Variants in HS2ST1 observed in about 807,000 individuals in gnomAD.
HS2ST1 encodes heparan sulfate 2-O-sulfotransferase 1.
In HS2ST1, 18 loss-of-function variants were observed where a neutral mutation model predicts 42.9. The ratio of observed to expected loss-of-function variants is 0.42; its 90% confidence interval spans 0.29 to 0.62. The LOEUF (loss-of-function observed/expected upper bound fraction) is 0.62, where lower values mean the gene tolerates loss of function less well. Ranked by LOEUF, HS2ST1 falls within the 20% of genes least tolerant of loss-of-function variation. The pLI, the probability that HS2ST1 is intolerant of heterozygous loss-of-function variation, is 0.21. For synonymous variants in HS2ST1, 146 were observed against 152.9 expected, an observed-to-expected ratio of 0.95 and a Z score of 0.33; for missense variants, 334 against 433.8, an observed-to-expected ratio of 0.77 and a Z score of 2.04.
intron 1 of HS2ST1, among the ~76,000 whole-genome samples, chr1:87,030,439 A>C (rs1201292313): frequency 6.6e-6 from 1 of 152,110 alleles, no homozygotes; most frequent in Admixed American, 6.6e-5. Flanking sequence ...TCAAGGTTAC[A>C]GTGAGATATG....
At chr1:87,065,663 A>G (rs1226382680) in intron 1 of HS2ST1, among the ~76,000 whole-genome samples, 2 of 152,180 alleles carry the variant, frequency 1.3e-5, no homozygotes, top group African/African-American at 2.4e-5. Context: ...CATATTCTCA[A>G]AGGAGTCCAT....
chr1:87,032,908 G>A (rs1650274078), intron 1 of HS2ST1, among the ~76,000 whole-genome samples: 1 of 152,186 alleles, frequency 6.6e-6, no homozygotes, highest in Non-Finnish European at 1.5e-5. Flanking sequence ...TAGACCATGT[G>A]TGATTACTGT....
chr1:87,099,746 A>G (rs1652154745), intron 5 of HS2ST1, among the ~76,000 whole-genome samples: 1 of 152,164 alleles, frequency 6.6e-6, no homozygotes, highest in Non-Finnish European at 1.5e-5. Flanking sequence ...AGTTCCTTCT[A>G]CCTATGAGCC....
chr1:86,925,199 C>T (rs1202117868), intron 1 of HS2ST1, among the ~76,000 whole-genome samples: 1 of 152,192 alleles, frequency 6.6e-6, no homozygotes, highest in African/African-American at 2.4e-5. Flanking sequence ...AATTCCTTGT[C>T]TCCATCTGAG....
At chr1:86,958,132 A>C (rs1265311437) in intron 1 of HS2ST1, among the ~76,000 whole-genome samples, 1 of 152,168 alleles carries the variant, frequency 6.6e-6, no homozygotes, top group Non-Finnish European at 1.5e-5. Flanking sequence ...ACCCTTCAAC[A>C]ATGAGAGGAT....
At position 86,976,646 on chromosome 1, in the gene HS2ST1, A is replaced by T. The variant is rs116301550; in HGVS notation, c.124+61486A>T. Among the ~76,000 whole-genome samples the T allele has an allele frequency of 5.7e-3, 778 of 137,648 alleles. 8 individuals are homozygous for T. The highest frequency in any genetic ancestry group is 0.019 in the African/African-American group (736 of 39,176). The allele number at this position is 137,648 out of a possible 152,430, so 90.3% of individuals were successfully genotyped here. ...CTATGAAAAAGAATTTCTTTGAATGAGTCTATTATTTCTGTAGCATGAAAC... is the reference window on the plus strand; with the variant it reads ...CTATGAAAAAGAATTTCTTTGAATGTGTCTATTATTTCTGTAGCATGAAAC... On this transcript the variant is annotated intron_variant, in intron 1 of 6. Transcript: ENST00000370550.
In HS2ST1 at chr1:86,938,182, G is replaced by A. The variant is rs199746267; in HGVS notation, c.124+23022G>A. On this transcript the variant is annotated intron_variant, in intron 1 of 6. Coordinates refer to ENST00000370550, the MANE Select transcript of HS2ST1 (RefSeq NM_012262.4). ...GGTTTTATGTTTTGTGTTTGGAGATGGACTGTATTTAGAGACATCTCTTTT... is the reference window on the plus strand; with the variant it reads ...GGTTTTATGTTTTGTGTTTGGAGATAGACTGTATTTAGAGACATCTCTTTT... Among the ~76,000 whole-genome samples the A allele has an allele frequency of 1.5e-4, 23 of 151,986 alleles. No homozygotes were observed. The East Asian group carries it at 3.5e-3, about 23-fold the overall frequency.
rs12563374 is a variant in HS2ST1 at position 87,068,078 on chromosome 1, G to A, written c.125-4856G>A. 2.6e-5 allele frequency among the ~76,000 whole-genome samples: 4 copies of A among 151,934 alleles called. No homozygotes were observed. In the East Asian group the frequency reaches 5.8e-4, roughly 22 times the overall value. On this transcript the variant is annotated intron_variant, in intron 1 of 6. Coordinates refer to ENST00000370550, the MANE Select transcript of HS2ST1 (RefSeq NM_012262.4). ...TTTTTTGGTTCCATATGAAATTTAA[G>A]GTAGTTTTTTCCAATTCTGTGAAGA...
intron 4 of HS2ST1, among the ~76,000 whole-genome samples, chr1:87,095,969 T>C (rs1652054343): frequency 6.6e-6 from 1 of 151,224 alleles, no homozygotes; most frequent in African/African-American, 2.4e-5. Flanking sequence ...CGGTTTTCTT[T>C]TTTTTTTTTT....
chr1:86,934,502 C>T (rs1660603466), intron 1 of HS2ST1: 1 of 152,270 alleles, frequency 6.6e-6, no homozygotes, highest in African/African-American at 2.4e-5. Context: ...TGGATACTGG[C>T]TCCAGCTGTT....
intron 2 of HS2ST1, among the ~76,000 whole-genome samples, chr1:87,079,588 C>T (rs777226216): frequency 3.3e-4 from 50 of 152,270 alleles, no homozygotes; most frequent in Non-Finnish European, 6.2e-4. Context: ...AATTTTAAAT[C>T]GGCCACAGCT....
chr1:86,951,062 CT>C (rs1557490958), intron 1 of HS2ST1, among the ~76,000 whole-genome samples: 1 of 152,148 alleles, frequency 6.6e-6, no homozygotes, highest in Non-Finnish European at 1.5e-5. Context: ...AGTAATACAT[CT>C]TAGTAGTTTG....
Position 86,926,461 on chromosome 1 carries a change from ACT to A in HS2ST1, c.124+11307_124+11308del, listed in dbSNP as rs535910199. On this transcript the variant is annotated intron_variant, in intron 1 of 6. Coordinates refer to ENST00000370550, the MANE Select transcript of HS2ST1 (RefSeq NM_012262.4). ...TCTCTCCCTGTGCTATAGCCTAGAA[ACT>A]CTCTCAGGCAGTCATAAGACTCACT... Among the ~76,000 whole-genome samples, 399 of 151,982 alleles carry A rather than the reference ACT, an allele frequency of 2.6e-3. 3 individuals carry two copies. The highest frequency in any genetic ancestry group is 9.1e-3 in the African/African-American group (379 of 41,430).
chr1:87,065,372 A>G (rs924417380), intron 1 of HS2ST1, among the ~76,000 whole-genome samples: 3 of 152,234 alleles, frequency 2.0e-5, no homozygotes, highest in South Asian at 2.1e-4. Context: ...ACAAATTGAT[A>G]TGCCAAGGCT....
At chr1:87,015,974 G>C (rs962914513) in intron 1 of HS2ST1, among the ~76,000 whole-genome samples, 1 of 151,628 alleles carries the variant, frequency 6.6e-6, no homozygotes, top group African/African-American at 2.4e-5. Context: ...GCACCACCAC[G>C]CCCTGATAAT....
chr1:86,991,222 C>CA (rs1218145853), intron 1 of HS2ST1, among the ~76,000 whole-genome samples: 2 of 151,638 alleles, frequency 1.3e-5, no homozygotes, highest in African/African-American at 2.4e-5. Flanking sequence ...CCATCTGTTA[C>CA]AAAAAAAGAC....
At chr1:86,921,128 G>GTATTCTGTTGTTATTGGC (rs1660284528) in intron 1 of HS2ST1, among the ~76,000 whole-genome samples, 1 of 152,116 alleles carries the variant, frequency 6.6e-6, no homozygotes, top group Non-Finnish European at 1.5e-5. Flanking sequence ...CCAGGTGAAC[G>GTATTCTGTTGTTATTGGC]TGAAAAATAT....
chr1:86,969,803 C>G (rs1208248999), intron 1 of HS2ST1, among the ~76,000 whole-genome samples: 1 of 151,890 alleles, frequency 6.6e-6, no homozygotes, highest in South Asian at 2.1e-4. Context: ...ACTGATAAGA[C>G]TGAGTTATAT....
At chr1:87,025,606 A>AT (rs980440932) in intron 1 of HS2ST1, among the ~76,000 whole-genome samples, 5 of 152,194 alleles carry the variant, frequency 3.3e-5, no homozygotes, top group African/African-American at 1.2e-4. Context: ...GAAAATTTGC[A>AT]TTTTAAAATG....
Sources: allele counts gnomAD v4.1 joint callset (sites outside exome capture counted in the v4.1 genomes callset), GRCh38; gene constraint gnomAD v4.1.1; transcripts MANE v1.5; gene names NCBI Gene and HGNC (gene_info 2026-07-23, HGNC 2026-07-21).